The following E2F7 variants were observed in gnomAD, a reference collection of about 807,000 sequenced individuals.
E2F7 encodes transcription factor E2F7.
A neutral mutation model predicts 81.1 loss-of-function variants in E2F7; 35 were observed. That is an observed-to-expected ratio of 0.43 (90% CI 0.33 to 0.57). E2F7 has a LOEUF of 0.57. Among genes scored for constraint, E2F7 ranks in the 20% least tolerant of loss-of-function variants. The pLI is 0.04. For missense variants in E2F7, 961 were observed against 1,093.7 expected (o/e 0.88, Z 1.71); for synonymous variants, 416 against 416.2 (o/e 1.00, Z 0.01).
At chr12:77,031,248 A>G (rs1339607755) in intron 9 of E2F7, among the ~76,000 whole-genome samples, 1 of 152,054 alleles carries the variant, frequency 6.6e-6, no homozygotes, top group Non-Finnish European at 1.5e-5. Flanking sequence ...GATATAAACA[A>G]TGTTTGGGCC....
intron 2 of E2F7, among the ~76,000 whole-genome samples, chr12:77,061,125 G>A (rs556039539): frequency 5.3e-5 from 8 of 152,078 alleles, no homozygotes; most frequent in East Asian, 3.9e-4. Flanking sequence ...ACCCTCTGCC[G>A]CTCTCTCATT....
At chr12:77,048,516 G>A (rs1954961422) in intron 4 of E2F7, among the ~76,000 whole-genome samples, 1 of 152,082 alleles carries the variant, frequency 6.6e-6, no homozygotes, top group African/African-American at 2.4e-5. Flanking sequence ...ACATGGCACT[G>A]GAATCTGGAA....
Position 77,023,191 on chromosome 12 carries a change from G to GCA in E2F7, c.*822_*823dup, listed in dbSNP as rs1954728311. 1 of 152,492 alleles carries GCA rather than the reference G, an allele frequency of 6.6e-6. No homozygotes were observed. Among genetic ancestry groups the GCA allele is most frequent in the African/African-American group, 2.4e-5 (1 of 41,448 alleles). 9.4% of individuals were successfully genotyped at this position (152,492 alleles called of 1,614,324 possible). A position where few individuals can be genotyped will look rare whatever the true frequency, so the allele number is the denominator to read the frequency against. On this transcript the variant is annotated 3_prime_UTR_variant, in exon 13 of 13. Transcript: ENST00000322886. ...CAGGGCATGTAGTGAAGGAAACTGG[G>GCA]CACAGTAGGATTTTTAGAAACAAAC...
rs749840166 is a variant in E2F7 at position 77,055,945 on chromosome 12, A to C, written c.279T>G (p.Ala93=). Reference sequence around the variant, plus strand: ...CCCGGTCCCTTATATCTGGGCTGGCAGCACTAATGAGCATCTTCAGGTTAG... The same window carrying C: ...CCCGGTCCCTTATATCTGGGCTGGCCGCACTAATGAGCATCTTCAGGTTAG... ...PTANLKMLIS[A]ASPDIRDREK... The change falls in exon 3 of 13, where the codon GCT becomes GCG. Residue 93 remains alanine (A), a synonymous_variant. Coordinates refer to ENST00000322886, the MANE Select transcript of E2F7 (RefSeq NM_203394.3). 1.8e-5 allele frequency: 29 copies of C among 1,614,010 alleles called. No homozygotes were observed. The highest frequency in any genetic ancestry group is 2.3e-5 in the Non-Finnish European group (27 of 1,180,032).
At chr12:77,033,157 A>T in intron 8 of E2F7, 35 bp from the exon 9 acceptor site, 17 of 1,585,924 alleles carry the variant, frequency 1.1e-5, no homozygotes, top group Non-Finnish European at 1.4e-5. Context: ...CAAATATAGC[A>T]AGAGACTTAT....
intron 1 of E2F7, 69 bp from the exon 2 acceptor site, chr12:77,064,704 A>T: frequency 7.8e-7 from 1 of 1,276,368 alleles, no homozygotes; most frequent in Non-Finnish European, 1.1e-6. Context: ...AAAAATATCT[A>T]CATATGTGTT....
chr12:77,029,895 T>G lies in E2F7; in HGVS notation c.1820A>C (p.Glu607Ala). 1 of 1,614,242 alleles carries G rather than the reference T, an allele frequency of 6.2e-7. No homozygotes were observed. Among genetic ancestry groups the G allele is most frequent in the Non-Finnish European group, 8.5e-7 (1 of 1,180,038 alleles). The change falls in exon 10 of 13, where the codon GAG (glutamate) becomes GCG (alanine). Residue 607 changes from glutamate (E) to alanine (A), a missense_variant. This residue lies in a region of E2F7 where 587 missense variants were observed against 620.3 expected (regional missense o/e 0.95). Transcript: ENST00000322886. ...CEERKPQEED[E>A]PATKRQSREY... Reference sequence around the variant, plus strand: ...CCTACTTTGCCTTTTAGTGGCTGGCTCATCCTCCTCCTGAGGTTTCCTCTC... The same window carrying G: ...CCTACTTTGCCTTTTAGTGGCTGGCGCATCCTCCTCCTGAGGTTTCCTCTC...
At chr12:77,063,707 G>T (rs2083598519) in intron 2 of E2F7, among the ~76,000 whole-genome samples, 1 of 152,120 alleles carries the variant, frequency 6.6e-6, no homozygotes, top group Non-Finnish European at 1.5e-5. Flanking sequence ...TCCTAAATTA[G>T]CAATTATCAA....
Position 77,030,021 on chromosome 12 carries a change from G to A in E2F7, c.1694C>T (p.Pro565Leu). The change falls in exon 10 of 13, where the codon CCA becomes CTA. Residue 565 changes from proline to leucine, a missense_variant. By Grantham distance (98) the Pro-to-Leu change is moderately conservative. This residue lies in a region of E2F7 where 587 missense variants were observed against 620.3 expected (regional missense o/e 0.95). Transcript: ENST00000322886. ...CCTCTCTGACCCTGACCCTGACGCT[G>A]GTCCCTCCTGCAGACTTCCATACAG... Reference protein sequence around the residue: ...FMLYGSLQEGPASGSGSERDD... With the variant: ...FMLYGSLQEGLASGSGSERDD... 6.2e-7 allele frequency: 1 copy of A among 1,614,128 alleles called. No homozygotes were observed. The highest frequency in any genetic ancestry group is 8.5e-7 in the Non-Finnish European group (1 of 1,180,030).
intron 2 of E2F7, among the ~76,000 whole-genome samples, chr12:77,062,889 A>T (rs1955089055): frequency 9.0e-6 from 1 of 111,492 alleles, no homozygotes; most frequent in Non-Finnish European, 1.9e-5. Flanking sequence ...TAGATAATTA[A>T]AAAAAAAAAA....
In E2F7 at chr12:77,046,152, G is replaced by C. The variant is rs768121170; in HGVS notation, c.715C>G (p.Gln239Glu). The change falls in exon 5 of 13, where the codon CAA becomes GAA. Residue 239 changes from glutamine to glutamate, a missense_variant. This residue lies in a region of E2F7 where 301 missense variants were observed against 405.0 expected (regional missense o/e 0.74). Transcript: ENST00000322886. Reference sequence around the variant, plus strand: ...TCTATCAGGTCCAGCTCTTTCTGTTGGAGGTAGGCCATTTGCTCTTCATAT... The same window carrying C: ...TCTATCAGGTCCAGCTCTTTCTGTTCGAGGTAGGCCATTTGCTCTTCATAT... ...QKYEEQMAYL[Q>E]QKELDLIDYK... 1.1e-5 allele frequency: 18 copies of C among 1,614,042 alleles called. No individual in the cohort carries two copies. Among genetic ancestry groups the C allele is most frequent in the Non-Finnish European group, 1.4e-5 (17 of 1,180,032 alleles).
rs757725735 is a variant in E2F7 at position 77,025,829 on chromosome 12, G to A, written c.2294C>T (p.Pro765Leu). Residue 765 changes from proline to leucine, a missense_variant, in exon 12 of 13, where the codon CCG becomes CTG. By Grantham distance (98) the Pro-to-Leu change is moderately conservative. Transcript: ENST00000322886. ...ACCAAGAGTAGAAGAAACCGGGCCC[G>A]GCATTGCAGGAGAATAGAGAACAGG... ...PFPVLYSPAM[P>L]GPVSSTLGAL... is the part of the protein sequence containing the mutation. 6.8e-6 allele frequency: 11 copies of A among 1,613,896 alleles called. No homozygotes were observed. Among genetic ancestry groups the A allele is most frequent in the East Asian group, 6.7e-5 (3 of 44,884 alleles).
At chr12:77,028,196 CTCTT>C (rs1954775206) in intron 10 of E2F7, 58 bp from the exon 11 acceptor site, 18 of 1,318,394 alleles carry the variant, frequency 1.4e-5, no homozygotes, top group Middle Eastern at 1.9e-4. Flanking sequence ...TAGTAAATCT[CTCTT>C]TTTTTTTTTT....
At chr12:77,053,246 T>G (rs1955004683) in intron 3 of E2F7, among the ~76,000 whole-genome samples, 2 of 152,198 alleles carry the variant, frequency 1.3e-5, no homozygotes, top group Non-Finnish European at 2.9e-5. Flanking sequence ...TTTGTTTATG[T>G]GGGTTATCTA....
chr12:77,034,188 T>A, intron 7 of E2F7, 146 bp from the exon 8 acceptor site: 1 of 651,370 alleles, frequency 1.5e-6, no homozygotes, highest in Non-Finnish European at 2.3e-6. Flanking sequence ...AGGAATTTTA[T>A]GAGCCTTGTC....
intron 2 of E2F7, among the ~76,000 whole-genome samples, chr12:77,060,592 C>T (rs530054987): frequency 6.7e-6 from 1 of 148,876 alleles, no homozygotes; most frequent in African/African-American, 2.4e-5. Flanking sequence ...CCACATTCTG[C>T]CCAAACAGTC....
intron 2 of E2F7, among the ~76,000 whole-genome samples, chr12:77,062,594 GT>G (rs5799302): frequency 0.14 from 20,741 of 151,998 alleles, 2,103 homozygotes; most frequent in East Asian, 0.54. Flanking sequence ...AGTCACTTGA[GT>G]TTTTTTTCCC....
chr12:77,024,221 C>A, intron 12 of E2F7, 36 bp from the exon 13 acceptor site: 2 of 1,594,034 alleles, frequency 1.3e-6, no homozygotes, highest in Non-Finnish European at 8.5e-7. Context: ...GAAGTGAAGT[C>A]ATATTGTTTC....
chr12:77,035,935 T>C (rs1954845649), intron 7 of E2F7, among the ~76,000 whole-genome samples: 1 of 53,218 alleles, frequency 1.9e-5, no homozygotes, highest in Non-Finnish European at 4.4e-5. Flanking sequence ...AAAAATACAG[T>C]GTATACATTT....
Sources: allele counts gnomAD v4.1 joint callset (sites outside exome capture counted in the v4.1 genomes callset), GRCh38; gene constraint gnomAD v4.1.1; regional missense constraint gnomAD v4.1.1; transcripts MANE v1.5; gene names NCBI Gene and HGNC (gene_info 2026-07-23, HGNC 2026-07-21).